XYLB: variants seen among roughly 807,000 people sequenced by gnomAD.
XYLB encodes the protein xylulokinase, also known as xylulose kinase.
XYLB carries 62 observed loss-of-function variants against 78.7 expected under a neutral mutation model. The ratio of observed to expected loss-of-function variants is 0.79; its 90% CI spans 0.64 to 0.97. XYLB has a LOEUF of 0.97. XYLB is among the 50% of genes least tolerant of loss of function. The pLI is 0.00. For missense variants in XYLB, 687 were observed against 676.8 expected (o/e 1.02, Z -0.17); for synonymous variants, 245 against 247.4 (o/e 0.99, Z 0.09).
the XYLB span, among the ~76,000 whole-genome samples, chr3:38,429,921 G>A: frequency 4.6e-5 from 7 of 152,308 alleles, no homozygotes; most frequent in Non-Finnish European, 7.4e-5. Context: ...ATTTCATGGT[G>A]TATATGTGCC....
chr3:38,437,230 A>T, the XYLB span, among the ~76,000 whole-genome samples: 2 of 152,242 alleles, frequency 1.3e-5, no homozygotes, highest in Middle Eastern at 3.4e-3. Context: ...CCTTCATGAT[A>T]GTCTCAAGAA....
chr3:38,371,993 A>G (rs1165639080), intron 9 of XYLB, among the ~76,000 whole-genome samples: 1 of 152,226 alleles, frequency 6.6e-6, no homozygotes, highest in Admixed American at 6.5e-5. Context: ...GCGAGAACAC[A>G]TGCCTCCAAG....
At chr3:38,393,673 T>G (rs921321482) in intron 15 of XYLB, among the ~76,000 whole-genome samples, 5 of 152,178 alleles carry the variant, frequency 3.3e-5, no homozygotes, top group African/African-American at 4.8e-5. Flanking sequence ...TAGGCCTCTT[T>G]CCTTAGCTTG....
At chr3:38,398,393 G>A (rs547308834) in intron 17 of XYLB, among the ~76,000 whole-genome samples, 65 of 151,610 alleles carry the variant, frequency 4.3e-4, no homozygotes, top group African/African-American at 1.5e-3. Context: ...GCTTGAACCC[G>A]GGAGGCAGAG....
intron 18 of XYLB, among the ~76,000 whole-genome samples, chr3:38,408,463 C>T (rs201197356): frequency 0.023 from 3,497 of 150,286 alleles, 66 homozygotes; most frequent in East Asian, 0.15. Context: ...CCTAACATCA[C>T]AATTAAAAGA....
chr3:38,410,108 G>A (rs1030981615), intron 18 of XYLB, among the ~76,000 whole-genome samples: 8 of 152,184 alleles, frequency 5.3e-5, no homozygotes, highest in Non-Finnish European at 8.8e-5. Context: ...AAAGCTGGAG[G>A]CATCATGCTA....
intron 15 of XYLB, among the ~76,000 whole-genome samples, chr3:38,388,325 T>A (rs1707487939): frequency 6.6e-6 from 1 of 152,050 alleles, no homozygotes; most frequent in African/African-American, 2.4e-5. Context: ...TACAACATGG[T>A]GATGATAGTT....
Position 38,413,262 on chromosome 3 carries a change from G to C in XYLB, c.*249G>C, listed in dbSNP as rs1475196416. ...TCTCTTTTCCTGTCTTTTATCCCAG[G>C]AGGCAGGACAACACTGAGACTGGGA... On this transcript the variant is annotated 3_prime_UTR_variant, in exon 19 of 19. Transcript: ENST00000207870. 9.4e-6 allele frequency: 4 copies of C among 423,798 alleles called. No homozygotes were observed. Among genetic ancestry groups the C allele is most frequent in the Non-Finnish European group, 1.6e-5 (4 of 243,420 alleles). 26.3% of individuals were successfully genotyped at this position (423,798 alleles called of 1,614,324 possible).
At chr3:38,396,881 T>C (rs1858740) in intron 16 of XYLB, among the ~76,000 whole-genome samples, 191 bp from the exon 17 acceptor site, 65,399 of 152,024 alleles carry the variant, frequency 0.43, 16,278 homozygotes, top group Non-Finnish European at 0.57. Flanking sequence ...CACTACGGAC[T>C]TCCCCCAGCT....
At chr3:38,448,142 C>T in the XYLB span, among the ~76,000 whole-genome samples, 3 of 149,612 alleles carry the variant, frequency 2.0e-5, no homozygotes, top group Non-Finnish European at 3.0e-5. Flanking sequence ...CCAGGCACAA[C>T]AAGACAAATA....
chr3:38,386,080 A>G (rs1707372549), intron 15 of XYLB, among the ~76,000 whole-genome samples: 2 of 152,298 alleles, frequency 1.3e-5, no homozygotes, highest in South Asian at 2.1e-4. Flanking sequence ...GTCCAACACC[A>G]TGGGGTTCAT....
At chr3:38,397,300 C>A in intron 17 of XYLB, 141 bp downstream of exon 17, 2 of 772,760 alleles carry the variant, frequency 2.6e-6, no homozygotes, top group Non-Finnish European at 2.2e-6. Flanking sequence ...ATTTTTCTAG[C>A]TCCCAGCAGG....
At position 38,395,512 on chromosome 3, in the gene XYLB, G is replaced by T; in HGVS notation, c.1299G>T (p.Lys433Asn). The T allele has an allele frequency of 1.9e-6, 3 of 1,614,190 alleles. No homozygotes were observed. Among genetic ancestry groups the T allele is most frequent in the Non-Finnish European group, 2.5e-6 (3 of 1,180,020 alleles). ...TTTTCTTTTCCCTTGCAGTGTCCAA[G>T]ACAAAGATTTTGGCCACAGGAGGAG... ...AEGLGYRVMS[K>N]TKILATGGAS... Residue 433 changes from lysine to asparagine, a missense_variant, in exon 16 of 19, where the codon AAG (lysine) becomes AAT (asparagine). Lys to Asn is a moderately conservative substitution (Grantham distance 94, BLOSUM62 0). Coordinates refer to ENST00000207870, the MANE Select transcript of XYLB (RefSeq NM_005108.4).
chr3:38,382,115 A>G (rs1363190783), intron 15 of XYLB, among the ~76,000 whole-genome samples: 1 of 152,140 alleles, frequency 6.6e-6, no homozygotes, highest in East Asian at 1.9e-4. Context: ...GATGCTTAGG[A>G]AAAATGGAAA....
chr3:38,395,504 G>A lies in XYLB; in HGVS notation c.1292-1G>A, dbSNP rs1707832579. On this transcript the variant is annotated splice_acceptor_variant, in intron 15 of 18. Coordinates refer to ENST00000207870, the MANE Select transcript of XYLB (RefSeq NM_005108.4). LOFTEE classifies it high-confidence loss of function. The stretch of plus-strand genomic sequence containing the variant: ...TTTTACTTTTTTCTTTTCCCTTGCA[G>A]TGTCCAAGACAAAGATTTTGGCCAC... 6.2e-7 allele frequency: 1 copy of A among 1,614,096 alleles called. No individual in the cohort carries two copies. The highest frequency in any genetic ancestry group is 1.3e-5 in the African/African-American group (1 of 74,940).
the XYLB span, among the ~76,000 whole-genome samples, chr3:38,444,428 G>A: frequency 2.0e-5 from 3 of 152,256 alleles, no homozygotes; most frequent in South Asian, 2.1e-4. Flanking sequence ...GGATAATGGG[G>A]GTAAGCTGAG....
chr3:38,372,409 A>G, intron 9 of XYLB: 4 of 985,342 alleles, frequency 4.1e-6, no homozygotes, highest in Non-Finnish European at 4.8e-6. Flanking sequence ...CAAGATCAGC[A>G]GTTTTTGAAA....
At chr3:38,409,885 G>A (rs1708500106) in intron 18 of XYLB, among the ~76,000 whole-genome samples, 1 of 152,164 alleles carries the variant, frequency 6.6e-6, no homozygotes, top group South Asian at 2.1e-4. Context: ...AATAAAAGAG[G>A]TTACAAACAA....
the XYLB span, among the ~76,000 whole-genome samples, chr3:38,442,346 C>T: frequency 6.6e-6 from 1 of 152,212 alleles, no homozygotes; most frequent in South Asian, 2.1e-4. Context: ...CATCCACATG[C>T]TAAAGGACCA....
Sources: allele counts gnomAD v4.1 joint callset (sites outside exome capture counted in the v4.1 genomes callset), GRCh38; gene constraint gnomAD v4.1.1; transcripts MANE v1.5; gene names NCBI Gene and HGNC (gene_info 2026-07-23, HGNC 2026-07-21).